The following ACADSB variants were observed in gnomAD, a reference collection of about 807,000 sequenced individuals.
ACADSB encodes the protein short/branched chain specific acyl-CoA dehydrogenase, mitochondrial.
A neutral mutation model predicts 54.1 loss-of-function variants in ACADSB; 40 were observed. The ratio of observed to expected loss-of-function variants is 0.74; its 90% CI spans 0.57 to 0.96. ACADSB has a LOEUF of 0.96. Among genes scored for constraint, ACADSB ranks in the 40% least tolerant of loss-of-function variants. The probability of loss-of-function intolerance (pLI) is 0.00; values close to 1 mark genes in which losing one functional copy is unlikely to be tolerated. For synonymous variants in ACADSB, 182 were observed against 182.8 expected (o/e 1.00, Z 0.03); for missense variants, 530 against 510.4 (o/e 1.04, Z -0.37).
chr10:123,012,581 G>A (rs1440292717), intron 1 of ACADSB, among the ~76,000 whole-genome samples: 2 of 152,186 alleles, frequency 1.3e-5, no homozygotes, highest in South Asian at 2.1e-4. Flanking sequence ...CCTTCTGGTG[G>A]GTTTGTGGTG....
intron 1 of ACADSB, among the ~76,000 whole-genome samples, chr10:123,015,961 G>A (rs950498959): frequency 6.6e-6 from 1 of 152,198 alleles, no homozygotes; most frequent in Non-Finnish European, 1.5e-5. Context: ...GACTTGAGAA[G>A]ATGTGGGAAT....
intron 1 of ACADSB, among the ~76,000 whole-genome samples, chr10:123,028,635 C>T (rs1196817661): frequency 6.6e-6 from 1 of 152,120 alleles, no homozygotes; most frequent in Admixed American, 6.5e-5. Flanking sequence ...TGCACTCCAT[C>T]CTTAGTGACA....
intron 1 of ACADSB, among the ~76,000 whole-genome samples, chr10:123,016,391 T>C (rs938159882): frequency 2.7e-5 from 4 of 150,334 alleles, no homozygotes; most frequent in African/African-American, 7.4e-5. Context: ...TTTGCAATTG[T>C]CTTATTTGAA....
At chr10:123,022,089 A>G (rs573724347) in intron 1 of ACADSB, among the ~76,000 whole-genome samples, 1 of 152,362 alleles carries the variant, frequency 6.6e-6, no homozygotes, top group Non-Finnish European at 1.5e-5. Context: ...TAGCTTGGAT[A>G]TCCACTTTTA....
intron 1 of ACADSB, among the ~76,000 whole-genome samples, chr10:123,033,331 G>A (rs562305808): frequency 6.6e-6 from 1 of 152,298 alleles, no homozygotes; most frequent in South Asian, 2.1e-4. Flanking sequence ...CCAACATGCA[G>A]CAAAGATTGA....
At chr10:123,045,872 A>T (rs1850554937) in intron 7 of ACADSB, among the ~76,000 whole-genome samples, 1 of 152,240 alleles carries the variant, frequency 6.6e-6, no homozygotes. Flanking sequence ...AAAAGTTAAG[A>T]TCAGGTAGTT....
intron 3 of ACADSB, among the ~76,000 whole-genome samples, chr10:123,040,109 G>A (rs1056215966): frequency 6.6e-6 from 1 of 151,836 alleles, no homozygotes; most frequent in African/African-American, 2.4e-5. Context: ...ACTTTGAGAG[G>A]TTGAGGTGGG....
At chr10:123,023,270 C>CA (rs1346218254) in intron 1 of ACADSB, among the ~76,000 whole-genome samples, 1 of 152,122 alleles carries the variant, frequency 6.6e-6, no homozygotes, top group African/African-American at 2.4e-5. Flanking sequence ...AAAATCCAGA[C>CA]AAAAATGTAT....
Position 123,040,623 on chromosome 10 carries a change from G to C in ACADSB, c.461G>C (p.Gly154Ala), listed in dbSNP as rs1294675129. The stretch of plus-strand genomic sequence containing the variant: ...ATTAACACACTGATTAGAAAACATG[G>C]AACAGAAGAACAAAAGGCCACCTAT... ...TLINTLIRKH[G>A]TEEQKATYLP... The change falls in exon 4 of 11, where the codon GGA (glycine) becomes GCA (alanine). Residue 154 changes from glycine to alanine, a missense_variant. Transcript: ENST00000358776. 6.2e-7 allele frequency: 1 copy of C among 1,613,918 alleles called. No individual in the cohort carries two copies. Among genetic ancestry groups the C allele is most frequent in the Non-Finnish European group, 8.5e-7 (1 of 1,180,016 alleles).
chr10:123,034,915 A>G (rs1850376999), intron 2 of ACADSB, among the ~76,000 whole-genome samples: 1 of 151,668 alleles, frequency 6.6e-6, no homozygotes. Context: ...ACTTTTCTTT[A>G]GATAGTGGGT....
chr10:123,024,008 G>A (rs1028474159), intron 1 of ACADSB, among the ~76,000 whole-genome samples: 2 of 152,214 alleles, frequency 1.3e-5, no homozygotes, highest in African/African-American at 4.8e-5. Context: ...TCTGACCTTA[G>A]GTGGGCACCA....
At chr10:123,053,253 A>T in intron 10 of ACADSB, 93 bp downstream of exon 10, 2 of 1,040,184 alleles carry the variant, frequency 1.9e-6, no homozygotes, top group Non-Finnish European at 2.9e-6. Context: ...TCCTAGGTAA[A>T]AGCAATTTTA....
Position 123,051,189 on chromosome 10 carries a change from A to C in ACADSB, c.1128+3A>C. ...TGGCCAAATACTATGCATCAGAGGT[A>C]AAAAAAAAAAAAAAAAAAAAAAAGG... On this transcript the variant is annotated splice_donor_region_variant and intron_variant, in intron 9 of 10. Coordinates refer to ENST00000358776, the MANE Select transcript of ACADSB (RefSeq NM_001609.4). 1 of 75,202 alleles carries C rather than the reference A, an allele frequency of 1.3e-5. No homozygotes were observed. The highest frequency in any genetic ancestry group is 2.3e-5 in the Non-Finnish European group (1 of 42,654). The allele number at this position is 75,202 out of a possible 1,614,324, so 4.7% of individuals were successfully genotyped here. A position where few individuals can be genotyped will look rare whatever the true frequency, so the allele number is the denominator to read the frequency against.
chr10:123,009,684 A>T (rs964387024), intron 1 of ACADSB, among the ~76,000 whole-genome samples: 1 of 148,084 alleles, frequency 6.8e-6, no homozygotes, highest in Non-Finnish European at 1.5e-5. Context: ...CGCCCAGGGG[A>T]GCCGGAGCCG....
chr10:123,043,336 A>G (rs565777068), intron 6 of ACADSB, among the ~76,000 whole-genome samples, 165 bp downstream of exon 6: 2 of 152,352 alleles, frequency 1.3e-5, no homozygotes, highest in South Asian at 2.1e-4. Context: ...GACCAGATAA[A>G]TGTACTTTTC....
In ACADSB at chr10:123,035,548, G is replaced by C. The variant is rs191432364; in HGVS notation, c.202+1033G>C. Among the ~76,000 whole-genome samples the C allele has an allele frequency of 4.9e-3, 745 of 152,270 alleles. 3 individuals carry two copies. Among genetic ancestry groups the C allele is most frequent in the African/African-American group, 0.017 (709 of 41,558 alleles). ...AAACTTAACAAGTTAAAACAGCACC[G>C]GTGTAGTGGCTCACAGTTCTGTAGG... On this transcript the variant is annotated intron_variant, in intron 2 of 10. Transcript: ENST00000358776.
At chr10:123,031,250 A>G (rs530545496) in intron 1 of ACADSB, among the ~76,000 whole-genome samples, 1 of 152,368 alleles carries the variant, frequency 6.6e-6, no homozygotes, top group African/African-American at 2.4e-5. Context: ...ATGAGGATGT[A>G]ATTTTACCCA....
At chr10:123,024,925 G>A (rs563075774) in intron 1 of ACADSB, among the ~76,000 whole-genome samples, 1 of 152,238 alleles carries the variant, frequency 6.6e-6, no homozygotes, top group Admixed American at 6.5e-5. Context: ...ATTTAATTTA[G>A]TTCTAGGAAA....
chr10:123,048,710 GTATT>G (rs565684501), intron 8 of ACADSB, among the ~76,000 whole-genome samples: 5 of 151,698 alleles, frequency 3.3e-5, no homozygotes, highest in African/African-American at 7.3e-5. Flanking sequence ...TAAAATTTAT[GTATT>G]TATTTATTTA....
Sources: allele counts gnomAD v4.1 joint callset (sites outside exome capture counted in the v4.1 genomes callset), GRCh38; gene constraint gnomAD v4.1.1; transcripts MANE v1.5; gene names NCBI Gene and HGNC (gene_info 2026-07-23, HGNC 2026-07-21).